PI16: variants seen among roughly 807,000 people sequenced by gnomAD.
PI16 encodes the protein peptidase inhibitor 16.
PI16 carries 35 observed loss-of-function variants against 38.0 expected under a neutral mutation model. The observed-to-expected ratio is 0.92, with a 90% CI of 0.70 to 1.22. The LOEUF is 1.22. Among genes scored for constraint, PI16 ranks in the 50% most tolerant of loss-of-function variants. The pLI is 0.00. For missense variants in PI16, 572 were observed against 593.8 expected (o/e 0.96, Z 0.38); for synonymous variants, 275 against 252.9 (o/e 1.09, Z -0.83).
chr6:36,949,831 T>C (rs1763071171), upstream of PI16, among the ~76,000 whole-genome samples: 1 of 152,200 alleles, frequency 6.6e-6, no homozygotes, highest in Admixed American at 6.5e-5. Context: ...TGTCTGTCTG[T>C]TGCTCATGGT....
chr6:36,962,846 C>A lies in PI16; in HGVS notation c.593-89C>A. Reference sequence around the variant, plus strand: ...TGTGTGTTTGTGTGTCCTGGTAGGACATTTGGTCGCGTCACTTGGTTTGCA... The same window carrying A: ...TGTGTGTTTGTGTGTCCTGGTAGGAAATTTGGTCGCGTCACTTGGTTTGCA... On this transcript the variant is annotated intron_variant, in intron 4 of 6. Transcript: ENST00000373674. This position sits in a 1 kb window ranked among gnomAD's most constrained non-coding sequence, Gnocchi z 4.1. 2 of 1,099,480 alleles carry A rather than the reference C, an allele frequency of 1.8e-6. No homozygotes were observed. Among genetic ancestry groups the A allele is most frequent in the Admixed American group, 2.5e-5 (1 of 40,230 alleles). 68.1% of individuals were successfully genotyped at this position (1,099,480 alleles called of 1,614,324 possible).
Position 36,949,497 on chromosome 6 carries a change from G to A in PI16, c.-82+1093G>A, listed in dbSNP as rs531816078. On this transcript the variant is annotated intron_variant, in intron 1 of 7. Transcript: ENST00000611814. ...AGTTCTCCCGTCTATGGAGGAAAGA[G>A]ATCCATCTCACAGCTTTGCCACCTG... is the stretch of plus-strand genomic sequence containing the variant. Among the ~76,000 whole-genome samples, 78 of 152,332 alleles carry A rather than the reference G, an allele frequency of 5.1e-4. No individual in the cohort carries two copies. In the South Asian group the frequency reaches 0.016, roughly 32 times the overall value.
upstream of PI16, among the ~76,000 whole-genome samples, chr6:36,949,974 T>A (rs2150732138): frequency 6.6e-6 from 1 of 152,286 alleles, no homozygotes; most frequent in South Asian, 2.1e-4. Flanking sequence ...TTTGTCACCG[T>A]ACTCCTGGCC....
Position 36,960,325 on chromosome 6 carries a change from A to ATGTGTGTGTGTGTGTGTG in PI16, c.393+981_393+998dup, listed in dbSNP as rs10664545. ...TTGAAAGTTTGGGCTTGCAGATAAGATGTGTGTGTGTGTGTGTGTGTGTGT... is the reference window on the plus strand; with the variant it reads ...TTGAAAGTTTGGGCTTGCAGATAAGATGTGTGTGTGTGTGTGTGTGTGTGTGTGTGTGTGTGTGTGTGT... On this transcript the variant is annotated intron_variant, in intron 2 of 6. Transcript: ENST00000373674. Among the ~76,000 whole-genome samples, 443 of 139,994 alleles carry ATGTGTGTGTGTGTGTGTG rather than the reference A, an allele frequency of 3.2e-3. 6 individuals carry two copies. Among genetic ancestry groups the ATGTGTGTGTGTGTGTGTG allele is most frequent in the Non-Finnish European group, 4.1e-3 (262 of 64,592 alleles). The allele number at this position is 139,994 out of a possible 152,430, so 91.8% of individuals were successfully genotyped here.
rs1298274071 is a variant in PI16 at position 36,961,632 on chromosome 6, G to A, written c.503+72G>A. On this transcript the variant is annotated intron_variant, in intron 3 of 6. Coordinates refer to ENST00000373674, the MANE Select transcript of PI16 (RefSeq NM_153370.3). ...GCAGAGCCAAGGGGAGGGCAGAGTC[G>A]GCCACAGCCTGAGGGAGTGGGAGGA... is the stretch of plus-strand genomic sequence containing the variant. 1.7e-4 allele frequency: 237 copies of A among 1,400,538 alleles called. 1 individual carries two copies. In the South Asian group the frequency reaches 2.2e-3, roughly 13 times the overall value. 86.8% of individuals were successfully genotyped at this position (1,400,538 alleles called of 1,614,324 possible). A position where few individuals can be genotyped will look rare whatever the true frequency, so the allele number is the denominator to read the frequency against.
intron 1 of PI16, among the ~76,000 whole-genome samples, chr6:36,958,099 A>G (rs760950756): frequency 2.0e-5 from 3 of 152,182 alleles, no homozygotes; most frequent in Non-Finnish European, 2.9e-5. Context: ...CGGCTCCTGA[A>G]AGCCTTGAGT....
In PI16 at chr6:36,962,727, T is replaced by C. The variant is rs546244994; in HGVS notation, c.593-208T>C. Among the ~76,000 whole-genome samples the C allele has an allele frequency of 5.6e-4, 85 of 152,220 alleles. 1 individual carries two copies. The East Asian group carries it at 0.012, about 22-fold the overall frequency. On this transcript the variant is annotated intron_variant, in intron 4 of 6. Transcript: ENST00000373674. The surrounding 1 kb of genome is among the most constrained non-coding windows in gnomAD (Gnocchi z 4.1). ...ACCTCAGGTGATCCACCTGCCTCAGTCTCCCAAAGTGCTGGGATTACAGAC... is the reference window on the plus strand; with the variant it reads ...ACCTCAGGTGATCCACCTGCCTCAGCCTCCCAAAGTGCTGGGATTACAGAC...
At chr6:36,958,901 C>T (rs541307263) in intron 1 of PI16, among the ~76,000 whole-genome samples, 2 of 152,264 alleles carry the variant, frequency 1.3e-5, no homozygotes, top group East Asian at 1.9e-4. Context: ...TCTGAGGGTG[C>T]GGAAAGTTTA....
At chr6:36,963,783 GC>G in intron 5 of PI16, 39 bp from the exon 6 acceptor site, 1 of 1,545,954 alleles carries the variant, frequency 6.5e-7, no homozygotes, top group Non-Finnish European at 8.7e-7. Context: ...ATCAGGCACA[GC>G]TGTCTCTAGG....
Position 36,962,097 on chromosome 6 carries a change from G to A in PI16, c.592+123G>A, listed in dbSNP as rs116626041. ...GCAGGGAAGGAGCCTGGTGGGATGC[G>A]ACCACCGGGGGCCCCTGGCGGCTCC... On this transcript the variant is annotated intron_variant, in intron 4 of 6. Transcript: ENST00000373674. This position sits in a 1 kb window ranked among gnomAD's most constrained non-coding sequence, Gnocchi z 4.1. 5,731 of 710,694 alleles carry A rather than the reference G, an allele frequency of 8.1e-3. 221 individuals carry two copies. The African/African-American group carries it at 0.086, about 11-fold the overall frequency. The allele number at this position is 710,694 out of a possible 1,614,324, so 44.0% of individuals were successfully genotyped here.
At chr6:36,948,774 CCTTT>C (rs1299461996) in intron 1 of PI16, among the ~76,000 whole-genome samples, 2 of 148,584 alleles carry the variant, frequency 1.3e-5, no homozygotes, top group Non-Finnish European at 1.5e-5. Flanking sequence ...CCCTCCCTTC[CCTTT>C]CTTTCTTTCC....
At position 36,963,433 on chromosome 6, in the gene PI16, C is replaced by G; in HGVS notation, c.1091C>G (p.Pro364Arg). The change falls in exon 5 of 7, where the codon CCT becomes CGT. Residue 364 changes from proline to arginine, a missense_variant. By Grantham distance (103) the Pro-to-Arg change is moderately radical. Coordinates refer to ENST00000373674, the MANE Select transcript of PI16 (RefSeq NM_153370.3). ...QEEAEAEAEL[P>R]PSSEVLASVF... Reference sequence around the variant, plus strand: ...GAGGCTGAGGCTGAGGCTGAGTTGCCTCCTTCCAGTGAGGTCTTGGCCTCA... The same window carrying G: ...GAGGCTGAGGCTGAGGCTGAGTTGCGTCCTTCCAGTGAGGTCTTGGCCTCA... 3.1e-6 allele frequency: 5 copies of G among 1,614,188 alleles called. No homozygotes were observed. The highest frequency in any genetic ancestry group is 4.2e-6 in the Non-Finnish European group (5 of 1,180,040).
Position 36,963,064 on chromosome 6 carries a change from C to T in PI16, c.722C>T (p.Pro241Leu). 1 of 1,614,208 alleles carries T rather than the reference C, an allele frequency of 6.2e-7. No homozygotes were observed. The highest frequency in any genetic ancestry group is 8.5e-7 in the Non-Finnish European group (1 of 1,180,040). The change falls in exon 5 of 7, where the codon CCG (proline) becomes CTG (leucine). Residue 241 changes from proline to leucine, a missense_variant. Physicochemically the swap from Pro to Leu is moderately conservative, Grantham distance 98 (BLOSUM62 -3). Coordinates refer to ENST00000373674, the MANE Select transcript of PI16 (RefSeq NM_153370.3). ...GTPSSLATGI[P>L]AFLVTEVSGS... ...CCTTCTTCCCTAGCAACGGGGATTC[C>T]GGCTTTCTTGGTAACAGAGGTCTCA... is the stretch of plus-strand genomic sequence containing the variant.
chr6:36,959,388 CGGGGCGGAGCCTCGCGGCGTGGG>C, intron 2 of PI16, 22 bp downstream of exon 2: 3 of 1,534,572 alleles, frequency 2.0e-6, no homozygotes, highest in Non-Finnish European at 2.6e-6. Context: ...GCGGGCGAGG[CGGGGCGGAGCCTCGCGGCGTGGG>C]GGTGGGGCCA....
At chr6:36,960,323 A>G (rs1283254510) in intron 2 of PI16, among the ~76,000 whole-genome samples, 1 of 86,934 alleles carries the variant, frequency 1.2e-5, no homozygotes, top group African/African-American at 4.4e-5. Context: ...CTTGCAGATA[A>G]GATGTGTGTG....
At position 36,954,799 on chromosome 6, in the gene PI16, G is replaced by A. The variant is rs766298919; in HGVS notation, c.39G>A (p.Pro13=). 1.0e-4 allele frequency: 167 copies of A among 1,613,842 alleles called. No individual in the cohort carries two copies. Among genetic ancestry groups the A allele is most frequent in the African/African-American group, 2.4e-4 (18 of 74,918 alleles). ...GCAGTTTCCTGATGCTTCTGCTGCCGCTACTGCTACTGCTGGTGGCCACCA... is the reference window on the plus strand; with the variant it reads ...GCAGTTTCCTGATGCTTCTGCTGCCACTACTGCTACTGCTGGTGGCCACCA... ...GSCSFLMLLL[P]LLLLLVATTG... Residue 13 remains proline (P), a synonymous_variant, in exon 1 of 7, where the codon CCG becomes CCA. Coordinates refer to ENST00000373674, the MANE Select transcript of PI16 (RefSeq NM_153370.3).
intron 1 of PI16, among the ~76,000 whole-genome samples, chr6:36,958,708 T>C (rs150234547): frequency 6.6e-6 from 1 of 151,672 alleles, no homozygotes; most frequent in East Asian, 1.9e-4. Flanking sequence ...GGTTGAGGGG[T>C]AGGGAAATGG....
rs1354164040 is a variant in PI16 at position 36,961,932 on chromosome 6, T to C, written c.550T>C (p.Ser184Pro). The change falls in exon 4 of 7, where the codon TCC (serine) becomes CCC (proline). Residue 184 changes from serine (S) to proline (P), a missense_variant. Ser to Pro is a moderately conservative substitution (Grantham distance 74, BLOSUM62 -1). Coordinates refer to ENST00000373674, the MANE Select transcript of PI16 (RefSeq NM_153370.3). ...KRPYQEGTPC[S>P]QCPSGYHCKN... Reference sequence around the variant, plus strand: ...GCCCTACCAGGAGGGGACTCCGTGCTCCCAATGTCCCTCTGGCTACCACTG... The same window carrying C: ...GCCCTACCAGGAGGGGACTCCGTGCCCCCAATGTCCCTCTGGCTACCACTG... 1.2e-6 allele frequency: 2 copies of C among 1,613,992 alleles called. No individual in the cohort carries two copies. Among genetic ancestry groups the C allele is most frequent in the Non-Finnish European group, 1.7e-6 (2 of 1,179,998 alleles).
At chr6:36,960,752 G>A (rs1457047511) in intron 2 of PI16, among the ~76,000 whole-genome samples, 2 of 151,650 alleles carry the variant, frequency 1.3e-5, no homozygotes, top group Non-Finnish European at 2.9e-5. Context: ...GGGGCTGAGG[G>A]TGCATGCACT....
Sources: gnomAD v4.1 joint callset for allele counts (sites outside exome capture counted in the v4.1 genomes callset) on GRCh38, gnomAD v4.1.1 for gene constraint, Gnocchi (gnomAD v3.1) non-coding constraint, MANE v1.5 for transcripts, NCBI Gene and HGNC (gene_info 2026-07-23, HGNC 2026-07-21) for gene names.